SPATS2: variants seen among roughly 807,000 people sequenced by gnomAD.
SPATS2 encodes spermatogenesis associated serine rich 2.
SPATS2 carries 38 observed loss-of-function variants against 63.7 expected under a neutral mutation model. The ratio of observed to expected loss-of-function variants is 0.60; its 90% CI spans 0.46 to 0.78. The LOEUF is 0.78. Ranked by LOEUF, SPATS2 falls within the 30% of genes least tolerant of loss-of-function variation. SPATS2 has a pLI of 0.00. For missense variants in SPATS2, 588 were observed against 666.2 expected (o/e 0.88, Z 1.29); for synonymous variants, 207 against 232.9 (o/e 0.89, Z 1.01).
chr12:49,490,819 C>G, intron 6 of SPATS2, 88 bp downstream of exon 6: 1 of 1,221,612 alleles, frequency 8.2e-7, no homozygotes, highest in Non-Finnish European at 1.2e-6. Context: ...AGAAAAGGTT[C>G]ACATACATAT....
chr12:49,376,826 C>G (rs569939776), intron 2 of SPATS2, among the ~76,000 whole-genome samples: 2 of 143,178 alleles, frequency 1.4e-5, no homozygotes, highest in South Asian at 2.3e-4. Flanking sequence ...TCAAGCAATT[C>G]TCCTGCCTCA....
intron 9 of SPATS2, among the ~76,000 whole-genome samples, chr12:49,501,311 C>T (rs1946563793): frequency 6.6e-6 from 1 of 152,130 alleles, no homozygotes; most frequent in Non-Finnish European, 1.5e-5. Context: ...CTTGCTGTGT[C>T]ATTCCATGGC....
At chr12:49,389,548 T>G in intron 2 of SPATS2, 2 of 987,978 alleles carry the variant, frequency 2.0e-6, no homozygotes, top group East Asian at 4.8e-5. Flanking sequence ...CACTTGCTGA[T>G]GCTAAAACTC....
At chr12:49,401,763 T>A (rs1386522412) in intron 2 of SPATS2, among the ~76,000 whole-genome samples, 1 of 149,902 alleles carries the variant, frequency 6.7e-6, no homozygotes, top group African/African-American at 2.5e-5. Flanking sequence ...AGTGGCACGA[T>A]CTCAGCTCAC....
chr12:49,499,185 T>G (rs1946519750), intron 8 of SPATS2, among the ~76,000 whole-genome samples: 1 of 152,238 alleles, frequency 6.6e-6, no homozygotes, highest in Admixed American at 6.5e-5. Context: ...TTTTTTCTCT[T>G]ACTTATAGGT....
intron 2 of SPATS2, chr12:49,390,045 T>C (rs1944393010): frequency 1.0e-6 from 1 of 999,766 alleles, no homozygotes; most frequent in Non-Finnish European, 1.6e-6. Context: ...ACAAAGGCGT[T>C]AGAGAGATCC....
At chr12:49,401,633 A>G (rs941121727) in intron 2 of SPATS2, among the ~76,000 whole-genome samples, 1 of 152,064 alleles carries the variant, frequency 6.6e-6, no homozygotes, top group Admixed American at 6.6e-5. Flanking sequence ...AGATTTAACA[A>G]TTCCTTGATA....
At chr12:49,367,658 G>C in intron 1 of SPATS2, 71 bp downstream of exon 1, 1 of 289,198 alleles carries the variant, frequency 3.5e-6, no homozygotes, top group Non-Finnish European at 6.2e-6. Flanking sequence ...GGAGCGGGTT[G>C]AGGGAGGAAA....
At chr12:49,465,524 G>A (rs1945897152) in intron 3 of SPATS2, among the ~76,000 whole-genome samples, 1 of 151,976 alleles carries the variant, frequency 6.6e-6, no homozygotes, top group African/African-American at 2.4e-5. Flanking sequence ...TCAAATTCTT[G>A]ATCCATTTAA....
intron 2 of SPATS2, chr12:49,389,700 C>CG (rs1944386246): frequency 6.5e-7 from 1 of 1,547,304 alleles, no homozygotes; most frequent in Non-Finnish European, 8.9e-7. Flanking sequence ...ACATCGGCCA[C>CG]GGTCCACGTT....
intron 2 of SPATS2, among the ~76,000 whole-genome samples, chr12:49,397,216 T>G (rs1944526499): frequency 6.6e-6 from 1 of 152,212 alleles, no homozygotes; most frequent in Non-Finnish European, 1.5e-5. Flanking sequence ...ACTCCTCAGT[T>G]TGTTTCAGGT....
intron 1 of SPATS2, among the ~76,000 whole-genome samples, chr12:49,369,667 G>A (rs569613896): frequency 6.6e-6 from 1 of 152,314 alleles, no homozygotes; most frequent in African/African-American, 2.4e-5. Context: ...GGAGTTCATT[G>A]AAGGTTTACT....
At chr12:49,483,355 T>C (rs906313158) in intron 3 of SPATS2, among the ~76,000 whole-genome samples, 3 of 151,990 alleles carry the variant, frequency 2.0e-5, no homozygotes, top group African/African-American at 7.3e-5. Context: ...CTATAGGAAT[T>C]CTGAGAAGGT....
At chr12:49,501,011 G>A (rs1472886834) in intron 9 of SPATS2, among the ~76,000 whole-genome samples, 5 of 151,946 alleles carry the variant, frequency 3.3e-5, no homozygotes, top group Non-Finnish European at 7.4e-5. Flanking sequence ...GAATGCTATG[G>A]CACGATCACA....
chr12:49,457,336 A>G (rs554577514), intron 2 of SPATS2, among the ~76,000 whole-genome samples: 1 of 152,262 alleles, frequency 6.6e-6, no homozygotes, highest in South Asian at 2.1e-4. Context: ...GCTACAGAGT[A>G]TAGATGAAAT....
chr12:49,440,164 A>AG (rs771038390), intron 2 of SPATS2, among the ~76,000 whole-genome samples: 10 of 152,200 alleles, frequency 6.6e-5, no homozygotes, highest in Admixed American at 6.5e-5. Flanking sequence ...TTGAGAGAGT[A>AG]GGCTGTAGAC....
chr12:49,478,487 C>T (rs1369865798), intron 3 of SPATS2, among the ~76,000 whole-genome samples: 4 of 152,168 alleles, frequency 2.6e-5, no homozygotes, highest in Non-Finnish European at 5.9e-5. Flanking sequence ...AAAGCAATTC[C>T]AAGCAATTGG....
chr12:49,407,108 A>G lies in SPATS2; in HGVS notation c.-244+35818A>G, dbSNP rs553381979. ...AATCATCCTTGATGCCTCTCTCTACATATCACATTTCATCTTGTTTTACTT... is the reference window on the plus strand; with the variant it reads ...AATCATCCTTGATGCCTCTCTCTACGTATCACATTTCATCTTGTTTTACTT... On this transcript the variant is annotated intron_variant, in intron 2 of 13. Transcript: ENST00000552918. Among the ~76,000 whole-genome samples the G allele has an allele frequency of 7.2e-5, 11 of 152,268 alleles. No individual in the cohort carries two copies. The South Asian group carries it at 1.4e-3, about 20-fold the overall frequency.
chr12:49,519,526 G>T (rs960704329), intron 11 of SPATS2, among the ~76,000 whole-genome samples: 1 of 152,120 alleles, frequency 6.6e-6, no homozygotes, highest in Admixed American at 6.6e-5. Flanking sequence ...CTCTTAACTG[G>T]TTCTGTTCAT....
Sources: gnomAD v4.1 joint callset for allele counts (sites outside exome capture counted in the v4.1 genomes callset) on GRCh38, gnomAD v4.1.1 for gene constraint, MANE v1.5 for transcripts, NCBI Gene and HGNC (gene_info 2026-07-23, HGNC 2026-07-21) for gene names.